The following USH2A variants were observed in gnomAD, a reference collection of about 807,000 sequenced individuals.
The protein encoded by USH2A is usherin, also known as Usher syndrome 2A (autosomal recessive, mild).
A neutral mutation model predicts 538.9 loss-of-function variants in USH2A; 443 were observed. The ratio of observed to expected loss-of-function variants is 0.82; its 90% confidence interval spans 0.76 to 0.89. USH2A has a LOEUF of 0.89. Among genes scored for constraint, USH2A ranks in the 40% least tolerant of loss-of-function variants. USH2A has a pLI of 0.00. For missense variants in USH2A, 6,633 were observed against 6,324.8 expected (o/e 1.05, Z -1.65); for synonymous variants, 2,413 against 2,273.5 (o/e 1.06, Z -1.75).
chr1:215,705,525 C>T (rs182611222), intron 61 of USH2A, among the ~76,000 whole-genome samples: 8 of 152,230 alleles, frequency 5.3e-5, no homozygotes, highest in Non-Finnish European at 7.4e-5. Context: ...ATTTCAGAGA[C>T]GGAGAAATAT....
chr1:216,112,078 T>C (rs1391449525), intron 21 of USH2A, among the ~76,000 whole-genome samples: 5 of 152,168 alleles, frequency 3.3e-5, no homozygotes, highest in Non-Finnish European at 5.9e-5. Flanking sequence ...AAACTATTTA[T>C]GGCTAACCAG....
intron 35 of USH2A, among the ~76,000 whole-genome samples, chr1:215,974,167 C>T (rs1667564400): frequency 2.0e-5 from 3 of 152,084 alleles, no homozygotes; most frequent in South Asian, 2.1e-4. Context: ...TTAAAACATA[C>T]TTTTAATAAG....
chr1:215,839,747 C>T (rs191012570), intron 46 of USH2A, among the ~76,000 whole-genome samples: 3 of 152,146 alleles, frequency 2.0e-5, no homozygotes, highest in Admixed American at 1.3e-4. Flanking sequence ...TATTGTATAA[C>T]ATGTGAATGA....
chr1:215,718,133 T>C (rs1659538364), intron 61 of USH2A, among the ~76,000 whole-genome samples: 2 of 152,220 alleles, frequency 1.3e-5, no homozygotes, highest in African/African-American at 4.8e-5. Context: ...GGCACAGCAC[T>C]AACAAGATGT....
At chr1:215,912,390 G>A (rs1665807946) in intron 38 of USH2A, among the ~76,000 whole-genome samples, 1 of 150,472 alleles carries the variant, frequency 6.6e-6, no homozygotes, top group Non-Finnish European at 1.5e-5. Context: ...GTGAGAGATA[G>A]GGGTCTAATT....
intron 32 of USH2A, 123 bp from the exon 33 acceptor site, chr1:216,000,685 A>C (rs1668249009): frequency 8.1e-7 from 1 of 1,231,420 alleles, no homozygotes; most frequent in Non-Finnish European, 1.2e-6. Context: ...ATGAATAAAT[A>C]GCCATAAAAA....
intron 21 of USH2A, among the ~76,000 whole-genome samples, chr1:216,161,948 C>T (rs754579476): frequency 8.6e-5 from 13 of 151,980 alleles, no homozygotes; most frequent in African/African-American, 1.2e-4. Context: ...GTCTCCCCAC[C>T]CTCCCCAGGT....
chr1:215,839,303 C>T (rs1265254404), intron 46 of USH2A, among the ~76,000 whole-genome samples: 1 of 151,994 alleles, frequency 6.6e-6, no homozygotes, highest in East Asian at 1.9e-4. Context: ...AATGAGATAA[C>T]CCAGAATCAA....
At chr1:216,034,665 ACTGC>A (rs1669204316) in intron 32 of USH2A, among the ~76,000 whole-genome samples, 1 of 152,116 alleles carries the variant, frequency 6.6e-6, no homozygotes, top group Non-Finnish European at 1.5e-5. Flanking sequence ...CAAGCCACTG[ACTGC>A]CAGGATACCA....
chr1:215,782,169 C>T lies in USH2A; in HGVS notation c.10613G>A (p.Arg3538Gln), dbSNP rs774844491. 32 of 1,613,676 alleles carry T rather than the reference C, an allele frequency of 2.0e-5. No homozygotes were observed. In the Middle Eastern group the frequency reaches 4.9e-4, roughly 25 times the overall value. Residue 3538 changes from arginine (R) to glutamine (Q), a missense_variant, in exon 54 of 72, where the codon CGA (arginine) becomes CAA (glutamine). Coordinates refer to ENST00000307340, the MANE Select transcript of USH2A (RefSeq NM_206933.4). ...TCCCCGAAAACGTTCAATTCCATTT[C>T]GAAGAAGGATGTAGTAAATAATAGG... ...NGPIIYYILL[R>Q]NGIERFRGTS...
chr1:216,042,518 C>T (rs1035605492), intron 32 of USH2A, among the ~76,000 whole-genome samples: 1 of 151,970 alleles, frequency 6.6e-6, no homozygotes. Context: ...GTTCTACCCA[C>T]AAGCCACTCA....
chr1:216,104,073 C>CT (rs143293483), intron 21 of USH2A, among the ~76,000 whole-genome samples: 18 of 150,888 alleles, frequency 1.2e-4, no homozygotes, highest in Non-Finnish European at 2.4e-4. Context: ...AGTTTTGATT[C>CT]TTTTTTTTTA....
rs774714334 is a variant in USH2A at position 215,674,464 on chromosome 1, C to G, written c.13447G>C (p.Gly4483Arg). The G allele has an allele frequency of 6.2e-7, 1 of 1,614,126 alleles. No individual in the cohort carries two copies. Among genetic ancestry groups the G allele is most frequent in the Non-Finnish European group, 8.5e-7 (1 of 1,180,022 alleles). Residue 4483 changes from glycine (G) to arginine (R), a missense_variant, in exon 63 of 72, where the codon GGA becomes CGA. Physicochemically the swap from Gly to Arg is moderately radical, Grantham distance 125. Coordinates refer to ENST00000307340, the MANE Select transcript of USH2A (RefSeq NM_206933.4). ...QIRSYELRRD[G>R]TIVYTGLETR... ...TCCAAGCCTGTATATACAATGGTTCCATCCCTCCTAAGTTCATAACTTCTG... is the reference window on the plus strand; with the variant it reads ...TCCAAGCCTGTATATACAATGGTTCGATCCCTCCTAAGTTCATAACTTCTG...
chr1:216,165,782 A>G (rs537962250), intron 21 of USH2A, among the ~76,000 whole-genome samples: 5 of 150,238 alleles, frequency 3.3e-5, no homozygotes, highest in Admixed American at 2.7e-4. Context: ...TTCAGTCTAC[A>G]TGAAACATAG....
rs574309793 is a variant in USH2A at position 215,627,379 on chromosome 1, T to C, written c.15519+1435A>G. Among the ~76,000 whole-genome samples the C allele has an allele frequency of 3.0e-3, 390 of 131,642 alleles. 1 individual carries two copies. The highest frequency in any genetic ancestry group is 4.4e-3 in the Non-Finnish European group (269 of 60,720). 86.4% of individuals were successfully genotyped at this position (131,642 alleles called of 152,430 possible). A position where few individuals can be genotyped will look rare whatever the true frequency, so the allele number is the denominator to read the frequency against. On this transcript the variant is annotated intron_variant, in intron 71 of 71. Coordinates refer to ENST00000307340, the MANE Select transcript of USH2A (RefSeq NM_206933.4). ...TCTTTCTCTCCCTCCCTCCCTCCCT[T>C]CCTTCTTTCCTTCCTTCCTTCCTTC... is the stretch of plus-strand genomic sequence containing the variant.
chr1:215,752,125 G>A (rs531795338), intron 58 of USH2A, among the ~76,000 whole-genome samples: 1 of 152,216 alleles, frequency 6.6e-6, no homozygotes, highest in South Asian at 2.1e-4. Context: ...CTCTGTTTAA[G>A]ATTAAGTTAA....
intron 21 of USH2A, among the ~76,000 whole-genome samples, chr1:216,115,990 A>G (rs1366801983): frequency 2.6e-5 from 4 of 151,802 alleles, no homozygotes; most frequent in Admixed American, 2.0e-4. Context: ...TCTAGCAAAT[A>G]AAGCATTTAA....
At chr1:216,279,699 A>T (rs2036735850) in intron 11 of USH2A, among the ~76,000 whole-genome samples, 1 of 152,148 alleles carries the variant, frequency 6.6e-6, no homozygotes, top group East Asian at 1.9e-4. Flanking sequence ...ACAGTGGCTG[A>T]ACCCCCATGG....
intron 4 of USH2A, among the ~76,000 whole-genome samples, chr1:216,334,519 A>G (rs756733059): frequency 5.5e-4 from 83 of 152,032 alleles, no homozygotes; most frequent in Non-Finnish European, 9.3e-4. Context: ...CTTCAATCAA[A>G]AAGTAGATAT....
Sources: allele counts gnomAD v4.1 joint callset (sites outside exome capture counted in the v4.1 genomes callset), GRCh38; gene constraint gnomAD v4.1.1; transcripts MANE v1.5; gene names NCBI Gene and HGNC (gene_info 2026-07-23, HGNC 2026-07-21).